EHBP1: variants seen among roughly 807,000 people sequenced by gnomAD.
EHBP1 encodes EH domain-binding protein 1.
EHBP1 carries 55 observed loss-of-function variants against 144.0 expected under a neutral mutation model. That is an observed-to-expected ratio of 0.38 (90% CI 0.31 to 0.48). The LOEUF is 0.48. Among genes scored for constraint, EHBP1 ranks in the 20% least tolerant of loss-of-function variants. EHBP1 has a pLI of 0.98. For synonymous variants in EHBP1, 469 were observed against 472.7 expected (o/e 0.99, Z 0.10); for missense variants, 1,200 against 1,364.2 (o/e 0.88, Z 1.90).
At position 62,938,015 on chromosome 2, in the gene EHBP1, G is replaced by A. The variant is rs142792357; in HGVS notation, c.1186-4703G>A. ...AGATTACAAAAACCTTACAAAATAT[G>A]AGCAAAACTGCCTGCAAAATTAACT... is the stretch of plus-strand genomic sequence containing the variant. On this transcript the variant is annotated intron_variant, in intron 10 of 22. Transcript: ENST00000431489. Among the ~76,000 whole-genome samples the A allele has an allele frequency of 2.5e-3, 374 of 152,254 alleles. 5 individuals are homozygous for A. Among genetic ancestry groups the A allele is most frequent in the Middle Eastern group, 0.01 (3 of 294 alleles).
At chr2:62,943,376 CAAAAAA>C (rs11306610) in intron 11 of EHBP1, among the ~76,000 whole-genome samples, 111 of 87,846 alleles carry the variant, frequency 1.3e-3, no homozygotes, top group African/African-American at 5.0e-3. Flanking sequence ...AACTCCGTCT[CAAAAAA>C]AAAAAAAAAA....
At chr2:62,756,277 A>T (rs1210189948) in intron 3 of EHBP1, among the ~76,000 whole-genome samples, 1 of 152,220 alleles carries the variant, frequency 6.6e-6, no homozygotes, top group Non-Finnish European at 1.5e-5. Flanking sequence ...CAAACATATG[A>T]GGCTACAGGT....
At chr2:62,744,020 G>A (rs971369390) in intron 2 of EHBP1, among the ~76,000 whole-genome samples, 4 of 152,098 alleles carry the variant, frequency 2.6e-5, no homozygotes, top group African/African-American at 7.2e-5. Context: ...GATAGAAGGT[G>A]TTAAATCTTT....
chr2:62,747,303 A>G, intron 2 of EHBP1, 92 bp from the exon 3 acceptor site: 1 of 1,088,580 alleles, frequency 9.2e-7, no homozygotes, highest in Non-Finnish European at 1.4e-6. Context: ...ATGTAGCCTA[A>G]AGCAGATGAC....
intron 5 of EHBP1, among the ~76,000 whole-genome samples, chr2:62,809,292 GAAAA>G (rs985494969): frequency 1.7e-4 from 8 of 46,574 alleles, no homozygotes; most frequent in African/African-American, 5.8e-4. Flanking sequence ...CTATGTCTCA[GAAAA>G]AAAAAAAAAA....
At chr2:62,889,047 C>CTTTTTTTTTTTTTT (rs71410971) in intron 10 of EHBP1, among the ~76,000 whole-genome samples, 2 of 39,678 alleles carry the variant, frequency 5.0e-5, no homozygotes, top group Admixed American at 5.0e-4. Flanking sequence ...GTAGGTACCT[C>CTTTTTTTTTTTTTT]TTTTTTTTTT....
chr2:62,885,505 TACTG>T (rs767765282), intron 10 of EHBP1, among the ~76,000 whole-genome samples: 1 of 152,190 alleles, frequency 6.6e-6, no homozygotes, highest in Non-Finnish European at 1.5e-5. Flanking sequence ...GACCACCTTT[TACTG>T]ACTATGAATA....
intron 10 of EHBP1, among the ~76,000 whole-genome samples, chr2:62,888,596 T>C (rs2052144206): frequency 6.6e-6 from 1 of 152,218 alleles, no homozygotes; most frequent in Non-Finnish European, 1.5e-5. Flanking sequence ...AAATAACTTA[T>C]TTGTGTACTT....
chr2:62,780,699 G>T (rs999274618), intron 5 of EHBP1, among the ~76,000 whole-genome samples: 68 of 152,230 alleles, frequency 4.5e-4, no homozygotes, highest in African/African-American at 1.6e-3. Flanking sequence ...TTATCTTTGT[G>T]TAATGCAAGA....
intron 2 of EHBP1, among the ~76,000 whole-genome samples, chr2:62,735,150 CTTCT>C (rs1219527807): frequency 1.3e-5 from 2 of 152,346 alleles, no homozygotes; most frequent in African/African-American, 4.8e-5. Flanking sequence ...CTGCTTCCAC[CTTCT>C]AAAGTGCTGG....
chr2:62,995,022 T>G (rs2059574260), intron 18 of EHBP1, among the ~76,000 whole-genome samples: 1 of 152,138 alleles, frequency 6.6e-6, no homozygotes, highest in Non-Finnish European at 1.5e-5. Context: ...TATTTGTTTT[T>G]TGTATTATCT....
intron 2 of EHBP1, among the ~76,000 whole-genome samples, chr2:62,729,500 TAATAAATATAATAA>T (rs1388600511): frequency 1.1e-5 from 1 of 88,452 alleles, no homozygotes; most frequent in Non-Finnish European, 2.1e-5. Context: ...TATAAATATA[TAATAAATATAATAA>T]AATAAATAAA....
intron 19 of EHBP1, among the ~76,000 whole-genome samples, chr2:63,004,377 T>C (rs183500619): frequency 6.6e-6 from 1 of 152,190 alleles, no homozygotes; most frequent in African/African-American, 2.4e-5. Flanking sequence ...ACATGTCATA[T>C]ATCATCCTGA....
At chr2:62,695,774 G>T (rs2034066224) in intron 1 of EHBP1, among the ~76,000 whole-genome samples, 1 of 151,902 alleles carries the variant, frequency 6.6e-6, no homozygotes, top group Non-Finnish European at 1.5e-5. Context: ...GTGCAGTGGT[G>T]CAGTCACCAC....
intron 19 of EHBP1, among the ~76,000 whole-genome samples, chr2:63,026,745 A>T (rs6731784): frequency 1 from 152,325 of 152,326 alleles, 76,162 homozygotes; most frequent in Non-Finnish European, 1. Flanking sequence ...TTCTGTAAGA[A>T]ATCATATACC....
chr2:62,759,527 T>C (rs1484173302), intron 3 of EHBP1, among the ~76,000 whole-genome samples: 1 of 152,110 alleles, frequency 6.6e-6, no homozygotes. Context: ...TGCCTCAGCC[T>C]CCCAAGTAGC....
intron 8 of EHBP1, 145 bp downstream of exon 8, chr2:62,859,436 A>C (rs1408778845): frequency 2.7e-6 from 2 of 729,064 alleles, no homozygotes; most frequent in Non-Finnish European, 4.0e-6. Flanking sequence ...TACCACTTGG[A>C]GTTGATCAGC....
chr2:62,821,045 AGTTT>A (rs2045947357), intron 5 of EHBP1, among the ~76,000 whole-genome samples: 2 of 151,938 alleles, frequency 1.3e-5, no homozygotes, highest in South Asian at 4.2e-4. Context: ...TAATGCCATT[AGTTT>A]AATTTTTAGT....
At chr2:62,713,398 T>C (rs950900223) in intron 2 of EHBP1, among the ~76,000 whole-genome samples, 2 of 151,954 alleles carry the variant, frequency 1.3e-5, no homozygotes, top group African/African-American at 4.8e-5. Flanking sequence ...TGTACCACCA[T>C]GTCTGGCTAG....
Sources: gnomAD v4.1 joint callset for allele counts (sites outside exome capture counted in the v4.1 genomes callset) on GRCh38, gnomAD v4.1.1 for gene constraint, MANE v1.5 for transcripts, NCBI Gene and HGNC (gene_info 2026-07-23, HGNC 2026-07-21) for gene names.